The following AGBL3 variants were observed in gnomAD, a reference collection of about 807,000 sequenced individuals.
AGBL3 encodes cytosolic carboxypeptidase 3.
A neutral mutation model predicts 94.5 loss-of-function variants in AGBL3; 68 were observed. The observed-to-expected ratio is 0.72, with a 90% CI of 0.59 to 0.88. AGBL3 has a LOEUF of 0.88. Ranked by LOEUF, AGBL3 falls within the 40% of genes least tolerant of loss-of-function variation. AGBL3 has a pLI of 0.00. For synonymous variants in AGBL3, 354 were observed against 370.7 expected (o/e 0.95, Z 0.52); for missense variants, 934 against 1,103.8 (o/e 0.85, Z 2.18).
intron 15 of AGBL3, among the ~76,000 whole-genome samples, chr7:135,090,965 G>T (rs968942057): frequency 6.6e-6 from 1 of 152,148 alleles, no homozygotes; most frequent in Non-Finnish European, 1.5e-5. Flanking sequence ...TCTCTGGGGG[G>T]AGCACAGCTA....
intron 11 of AGBL3, among the ~76,000 whole-genome samples, chr7:135,046,428 T>C (rs186162184): frequency 1.3e-5 from 2 of 152,216 alleles, no homozygotes; most frequent in East Asian, 1.9e-4. Context: ...TATAGTATCA[T>C]AGAGTATTTT....
At chr7:135,096,558 A>AGATAGATAGATAGATAGAT (rs1822770203) in intron 15 of AGBL3, among the ~76,000 whole-genome samples, 30 of 79,778 alleles carry the variant, frequency 3.8e-4, no homozygotes, top group African/African-American at 1.2e-3. Context: ...GAAAGAAAGA[A>AGATAGATAGATAGATAGAT]AGATAGATAG....
intron 5 of AGBL3, among the ~76,000 whole-genome samples, chr7:135,020,941 G>C (rs1814366773): frequency 6.6e-6 from 1 of 150,926 alleles, no homozygotes; most frequent in African/African-American, 2.4e-5. Flanking sequence ...ATAGCATTAG[G>C]AGATATACCT....
intron 12 of AGBL3, among the ~76,000 whole-genome samples, chr7:135,068,449 T>G (rs995063450): frequency 2.6e-5 from 4 of 151,928 alleles, no homozygotes; most frequent in Non-Finnish European, 2.9e-5. Flanking sequence ...TCACCAAAGT[T>G]GAAAAGAAGG....
chr7:135,128,314 A>AC, intron 16 of AGBL3: 1 of 244,528 alleles, frequency 4.1e-6, no homozygotes, highest in South Asian at 7.4e-5. Context: ...AAAAAAAAAA[A>AC]AAAAACGAAA....
Position 134,988,801 on chromosome 7 carries a change from A to AT in AGBL3, c.64-441dup, listed in dbSNP as rs5887718. On this transcript the variant is annotated intron_variant, in intron 2 of 16. Transcript: ENST00000436302. ...AGGCATGTGCCACCATGCCTGGCTA[A>AT]TTTTTTTTGTATTTTTAGTAGAAAC... Among the ~76,000 whole-genome samples, 8 of 151,366 alleles carry AT rather than the reference A, an allele frequency of 5.3e-5. No homozygotes were observed. In the South Asian group the frequency reaches 8.3e-4, roughly 16 times the overall value.
chr7:134,989,184 A>T, intron 2 of AGBL3, 66 bp from the exon 3 acceptor site: 1 of 1,193,420 alleles, frequency 8.4e-7, no homozygotes, highest in Admixed American at 2.2e-5. Flanking sequence ...AAATAGATGT[A>T]AAAAAATTCT....
At chr7:135,061,664 T>C (rs1296893699) in intron 12 of AGBL3, among the ~76,000 whole-genome samples, 1 of 151,984 alleles carries the variant, frequency 6.6e-6, no homozygotes, top group Non-Finnish European at 1.5e-5. Flanking sequence ...CATCGTGTGA[T>C]CTTGGCACTT....
chr7:135,074,346 A>T (rs1360398181), intron 12 of AGBL3, among the ~76,000 whole-genome samples: 1 of 152,220 alleles, frequency 6.6e-6, no homozygotes, highest in African/African-American at 2.4e-5. Flanking sequence ...GGGTTATTTG[A>T]CAAACCCTCA....
chr7:135,024,004 G>C (rs569854521), intron 5 of AGBL3, among the ~76,000 whole-genome samples: 10 of 89,148 alleles, frequency 1.1e-4, no homozygotes, highest in Non-Finnish European at 2.5e-4. Context: ...GTGTAGATCT[G>C]TGACCAGCAC....
chr7:135,128,327 A>AC (rs1828236585), intron 16 of AGBL3: 1 of 257,578 alleles, frequency 3.9e-6, no homozygotes, highest in African/African-American at 2.3e-5. Flanking sequence ...AAACGAAAAA[A>AC]AAAAACAAAA....
At chr7:135,085,206 T>C (rs532735357) in intron 15 of AGBL3, among the ~76,000 whole-genome samples, 2 of 152,238 alleles carry the variant, frequency 1.3e-5, no homozygotes, top group African/African-American at 2.4e-5. Flanking sequence ...TTTGTTTGTT[T>C]ATTTTTGCTA....
intron 15 of AGBL3, among the ~76,000 whole-genome samples, chr7:135,110,451 T>C (rs1825464459): frequency 6.6e-6 from 1 of 152,144 alleles, no homozygotes; most frequent in Admixed American, 6.5e-5. Context: ...CATGTATCAA[T>C]AACCCTATGT....
intron 5 of AGBL3, among the ~76,000 whole-genome samples, chr7:135,026,262 A>T (rs201834253): frequency 4.0e-4 from 22 of 54,876 alleles, no homozygotes; most frequent in Non-Finnish European, 4.5e-4. Context: ...ATTTTATTTT[A>T]TTTTATTTTA....
intron 15 of AGBL3, among the ~76,000 whole-genome samples, chr7:135,103,255 A>C (rs1373788814): frequency 6.6e-6 from 1 of 152,210 alleles, no homozygotes; most frequent in Non-Finnish European, 1.5e-5. Flanking sequence ...TCTAAATATT[A>C]ATCACTGCAG....
At chr7:135,080,435 ATCCAAGCGCAG>A (rs1820819998) in intron 14 of AGBL3, among the ~76,000 whole-genome samples, 175 bp downstream of exon 14, 1 of 152,152 alleles carries the variant, frequency 6.6e-6, no homozygotes, top group South Asian at 2.1e-4. Flanking sequence ...AACAACAACA[ATCCAAGCGCAG>A]TGTCATAGAC....
At chr7:134,999,352 A>G (rs547657420) in intron 4 of AGBL3, among the ~76,000 whole-genome samples, 3 of 152,294 alleles carry the variant, frequency 2.0e-5, no homozygotes, top group African/African-American at 7.2e-5. Flanking sequence ...TGTGTGTGCC[A>G]CCTGCTCCCC....
At chr7:135,047,930 G>A (rs1018483528) in intron 11 of AGBL3, among the ~76,000 whole-genome samples, 3 of 151,860 alleles carry the variant, frequency 2.0e-5, no homozygotes, top group Non-Finnish European at 2.9e-5. Context: ...TCGTATCTAT[G>A]AAATCTTTGC....
intron 12 of AGBL3, among the ~76,000 whole-genome samples, chr7:135,071,912 G>A (rs1226081531): frequency 2.6e-5 from 4 of 152,276 alleles, no homozygotes; most frequent in Middle Eastern, 3.4e-3. Flanking sequence ...ATTGACAAAT[G>A]GGATCTAATT....
Sources: gnomAD v4.1 joint callset for allele counts (sites outside exome capture counted in the v4.1 genomes callset) on GRCh38, gnomAD v4.1.1 for gene constraint, MANE v1.5 for transcripts, NCBI Gene and HGNC (gene_info 2026-07-23, HGNC 2026-07-21) for gene names.